ADAMTSL1: variants seen among roughly 807,000 people sequenced by gnomAD.
ADAMTSL1 encodes the protein ADAMTS-like protein 1.
ADAMTSL1 carries 126 observed loss-of-function variants against 201.8 expected under a neutral mutation model. That is an observed-to-expected ratio of 0.62 (90% CI 0.54 to 0.72). The LOEUF (loss-of-function observed/expected upper bound fraction) is 0.72. ADAMTSL1 is among the 30% of genes least tolerant of loss of function. The probability of loss-of-function intolerance (pLI) is 0.00; values close to 1 mark genes in which losing one functional copy is unlikely to be tolerated. For missense variants in ADAMTSL1, 2,679 were observed against 2,277.8 expected, an observed-to-expected ratio of 1.18 and a Z score of -3.59; for synonymous variants, 1,121 against 903.4, an observed-to-expected ratio of 1.24 and a Z score of -4.32.
intron 2 of ADAMTSL1, among the ~76,000 whole-genome samples, chr9:18,459,231 T>C (rs1820720171): frequency 6.6e-6 from 1 of 152,180 alleles, no homozygotes; most frequent in African/African-American, 2.4e-5. Context: ...GCTTATGTTA[T>C]AGTGAAATAT....
intron 2 of ADAMTSL1, among the ~76,000 whole-genome samples, chr9:18,330,022 G>T (rs973773162): frequency 6.6e-6 from 1 of 152,122 alleles, no homozygotes; most frequent in African/African-American, 2.4e-5. Context: ...TCTGCATAAG[G>T]GGGTTAAAAC....
intron 2 of ADAMTSL1, among the ~76,000 whole-genome samples, chr9:18,519,897 CT>C (rs1482673866): frequency 6.6e-6 from 1 of 152,142 alleles, no homozygotes; most frequent in African/African-American, 2.4e-5. Flanking sequence ...TCACCTTTTT[CT>C]TTTCTGATTA....
At chr9:17,927,333 T>G (rs7863111) in intron 1 of ADAMTSL1, among the ~76,000 whole-genome samples, 91,743 of 152,068 alleles carry the variant, frequency 0.6, 29,392 homozygotes, top group Non-Finnish European at 0.69. Context: ...CACACATACA[T>G]ATACACATAT....
intron 3 of ADAMTSL1, among the ~76,000 whole-genome samples, chr9:18,559,629 C>T (rs570942869): frequency 6.6e-6 from 1 of 152,278 alleles, no homozygotes; most frequent in African/African-American, 2.4e-5. Context: ...ATTGATTCTT[C>T]CTACCCATTA....
At chr9:18,761,102 G>A (rs1820047998) in intron 16 of ADAMTSL1, among the ~76,000 whole-genome samples, 1 of 152,246 alleles carries the variant, frequency 6.6e-6, no homozygotes, top group Non-Finnish European at 1.5e-5. Context: ...GAAGAAACAA[G>A]TGAAGTGAGT....
intron 2 of ADAMTSL1, among the ~76,000 whole-genome samples, chr9:18,210,393 A>C (rs1438152481): frequency 6.7e-4 from 1 of 1,494 alleles, no homozygotes; most frequent in Admixed American, 0.023. Context: ...ATATACGCTA[A>C]TATTATATAT....
intron 2 of ADAMTSL1, among the ~76,000 whole-genome samples, chr9:18,264,473 A>G (rs1338668774): frequency 1.3e-5 from 2 of 152,188 alleles, no homozygotes; most frequent in African/African-American, 4.8e-5. Flanking sequence ...CAGAATAACA[A>G]CCTGTAGGGG....
At chr9:18,590,130 G>C (rs978481180) in intron 4 of ADAMTSL1, among the ~76,000 whole-genome samples, 1 of 151,820 alleles carries the variant, frequency 6.6e-6, no homozygotes, top group Non-Finnish European at 1.5e-5. Context: ...TTAAATGTTT[G>C]GTAGAATTCA....
At chr9:18,681,699 G>GGGGT in intron 11 of ADAMTSL1, 113 bp from the exon 12 acceptor site, 1 of 287,436 alleles carries the variant, frequency 3.5e-6, no homozygotes, top group Non-Finnish European at 5.1e-6. Flanking sequence ...TCCTCGTGTG[G>GGGGT]GGGGGGGGGG....
chr9:18,667,229 T>G (rs890362921), intron 9 of ADAMTSL1, among the ~76,000 whole-genome samples: 9 of 151,366 alleles, frequency 5.9e-5, no homozygotes, highest in African/African-American at 1.5e-4. Flanking sequence ...TTTTTTTTTT[T>G]GTCCAGCTCC....
At chr9:18,263,744 T>C (rs1832013311) in intron 2 of ADAMTSL1, among the ~76,000 whole-genome samples, 1 of 152,076 alleles carries the variant, frequency 6.6e-6, no homozygotes, top group African/African-American at 2.4e-5. Flanking sequence ...AGGATGAGTG[T>C]CCTTATAGAA....
intron 2 of ADAMTSL1, among the ~76,000 whole-genome samples, chr9:18,384,484 G>A (rs1313968287): frequency 6.6e-6 from 1 of 152,096 alleles, no homozygotes; most frequent in African/African-American, 2.4e-5. Flanking sequence ...CAAATGTTAG[G>A]TCCTTCCTCC....
chr9:18,761,042 C>T lies in ADAMTSL1; in HGVS notation c.2217+7534C>T, dbSNP rs79696779. Among the ~76,000 whole-genome samples the T allele has an allele frequency of 2.3e-4, 35 of 152,294 alleles. No individual in the cohort carries two copies. The East Asian group carries it at 5.0e-3, about 22-fold the overall frequency. ...CCCCAGCATCCAATACAGTGCCTAG[C>T]ACTCAGTGGGTACTCAATAAATGTT... On this transcript the variant is annotated intron_variant, in intron 16 of 28. Coordinates refer to ENST00000380548, the MANE Select transcript of ADAMTSL1 (RefSeq NM_001040272.6).
intron 2 of ADAMTSL1, among the ~76,000 whole-genome samples, chr9:18,420,945 A>C (rs931429748): frequency 5.3e-5 from 8 of 152,168 alleles, no homozygotes; most frequent in African/African-American, 1.9e-4. Flanking sequence ...CATAATCCTC[A>C]ATGTCTGCCT....
chr9:18,545,923 T>A lies in ADAMTSL1; in HGVS notation c.237+12631T>A, dbSNP rs1820439673. On this transcript the variant is annotated intron_variant, in intron 3 of 28. Coordinates refer to ENST00000380548, the MANE Select transcript of ADAMTSL1 (RefSeq NM_001040272.6). ...GTAAGCCTAGAAACGATAAGCAGCA[T>A]CAAATCTTCTCATTAACACCAAGAT... Among the ~76,000 whole-genome samples the A allele has an allele frequency of 2.0e-5, 3 of 152,196 alleles. No individual in the cohort carries two copies. The South Asian group carries it at 6.2e-4, about 31-fold the overall frequency.
At chr9:18,641,545 T>A (rs993702500) in intron 7 of ADAMTSL1, among the ~76,000 whole-genome samples, 2 of 152,070 alleles carry the variant, frequency 1.3e-5, no homozygotes, top group African/African-American at 4.8e-5. Flanking sequence ...TATTTTGTGT[T>A]GCTTCTAAGA....
chr9:18,095,416 C>CCTTTTTT (rs1371286278), intron 1 of ADAMTSL1, among the ~76,000 whole-genome samples: 1 of 100,128 alleles, frequency 1.0e-5, no homozygotes, highest in Non-Finnish European at 2.0e-5. Context: ...TTCTTTCTTT[C>CCTTTTTT]TTTTTTTTTT....
At chr9:18,472,643 A>G (rs1040018307), upstream of ADAMTSL1, among the ~76,000 whole-genome samples, 3 of 152,200 alleles carry the variant, frequency 2.0e-5, no homozygotes, top group Admixed American at 6.5e-5. Context: ...ACATAGGCAG[A>G]CCTGCCTGTA....
chr9:18,622,720 C>T (rs1054646540), intron 5 of ADAMTSL1: 18 of 398,022 alleles, frequency 4.5e-5, no homozygotes, highest in South Asian at 8.6e-5. Flanking sequence ...TGGAAGATAA[C>T]GAGGAAAGTG....
Sources: allele counts gnomAD v4.1 joint callset (sites outside exome capture counted in the v4.1 genomes callset), GRCh38; gene constraint gnomAD v4.1.1; transcripts MANE v1.5; gene names NCBI Gene and HGNC (gene_info 2026-07-23, HGNC 2026-07-21).